CSMD3: variants seen among roughly 807,000 people sequenced by gnomAD.
The protein encoded by CSMD3 is CUB and Sushi multiple domains 3.
CSMD3 carries 177 observed loss-of-function variants against 435.2 expected under a neutral mutation model. The ratio of observed to expected loss-of-function variants is 0.41; its 90% CI spans 0.36 to 0.46. CSMD3 has a LOEUF of 0.46. Ranked by LOEUF, CSMD3 falls within the 20% of genes least tolerant of loss-of-function variation. CSMD3 has a pLI of 0.34. For missense variants in CSMD3, 4,265 were observed against 4,504.6 expected (o/e 0.95, Z 1.52); for synonymous variants, 1,656 against 1,520.5 (o/e 1.09, Z -2.07).
At chr8:113,351,780 T>C (rs1365971688) in intron 1 of CSMD3, among the ~76,000 whole-genome samples, 1 of 152,188 alleles carries the variant, frequency 6.6e-6, no homozygotes, top group Non-Finnish European at 1.5e-5. Flanking sequence ...AGTTTGCCTA[T>C]GTTGAAATAA....
intron 24 of CSMD3, among the ~76,000 whole-genome samples, chr8:112,557,172 A>T (rs1828200413): frequency 6.6e-6 from 1 of 151,806 alleles, no homozygotes; most frequent in South Asian, 2.1e-4. Flanking sequence ...TATCAATGAT[A>T]CCCCATGGTC....
chr8:112,749,480 C>T (rs990035920), intron 13 of CSMD3, among the ~76,000 whole-genome samples: 3 of 151,972 alleles, frequency 2.0e-5, no homozygotes, highest in Non-Finnish European at 4.4e-5. Context: ...ACAGAATAGC[C>T]ATATGCAGAA....
chr8:112,612,777 G>A (rs1025123436), intron 22 of CSMD3, among the ~76,000 whole-genome samples: 3 of 131,212 alleles, frequency 2.3e-5, no homozygotes, highest in African/African-American at 8.9e-5. Flanking sequence ...AAGTGCAGTG[G>A]CTCCATCATA....
chr8:113,034,723 T>C (rs2087266154), intron 5 of CSMD3, among the ~76,000 whole-genome samples: 1 of 152,132 alleles, frequency 6.6e-6, no homozygotes, highest in South Asian at 2.1e-4. Context: ...AAATACATAA[T>C]GGATTATTAG....
At chr8:113,105,444 C>A (rs2090447318) in intron 4 of CSMD3, among the ~76,000 whole-genome samples, 1 of 152,108 alleles carries the variant, frequency 6.6e-6, no homozygotes, top group Non-Finnish European at 1.5e-5. Context: ...GAGGAGGAAG[C>A]TCTGCAGAAG....
intron 10 of CSMD3, among the ~76,000 whole-genome samples, chr8:112,889,552 T>A (rs1020485262): frequency 1.3e-5 from 2 of 151,644 alleles, no homozygotes; most frequent in African/African-American, 4.8e-5. Flanking sequence ...GAAATGTGTG[T>A]CTTTTGTCTT....
chr8:112,997,597 A>T (rs569521700), intron 6 of CSMD3, among the ~76,000 whole-genome samples: 1 of 151,750 alleles, frequency 6.6e-6, no homozygotes, highest in South Asian at 2.1e-4. Flanking sequence ...TCAAGGAGAT[A>T]TTATATCTGA....
chr8:113,157,650 C>T (rs938770463), intron 4 of CSMD3, among the ~76,000 whole-genome samples: 2 of 152,144 alleles, frequency 1.3e-5, no homozygotes, highest in Admixed American at 6.6e-5. Flanking sequence ...AACAATGGTA[C>T]ATTTTATACG....
At chr8:113,128,004 T>C (rs1189591392) in intron 4 of CSMD3, among the ~76,000 whole-genome samples, 2 of 152,132 alleles carry the variant, frequency 1.3e-5, no homozygotes, top group East Asian at 1.9e-4. Context: ...AAGTTCTCTA[T>C]TATCTTTTAG....
chr8:112,651,656 G>T (rs1204146826), intron 18 of CSMD3, among the ~76,000 whole-genome samples: 2 of 151,684 alleles, frequency 1.3e-5, no homozygotes, highest in East Asian at 3.9e-4. Flanking sequence ...TCCTGCCTCA[G>T]CCTCCCGAGT....
At position 112,246,020 on chromosome 8, in the gene CSMD3, C is replaced by T. The variant is rs192298607; in HGVS notation, c.10222+1000G>A. Among the ~76,000 whole-genome samples the T allele has an allele frequency of 1.2e-3, 179 of 152,212 alleles. 1 individual carries two copies. The highest frequency in any genetic ancestry group is 4.0e-3 in the African/African-American group (166 of 41,528). On this transcript the variant is annotated intron_variant, in intron 64 of 70. Coordinates refer to ENST00000297405, the MANE Select transcript of CSMD3 (RefSeq NM_198123.2). ...TTAACTTTATTTAAACTATCATATC[C>T]CAACTAGAGGACATCAAAGAACAAT... is the stretch of plus-strand genomic sequence containing the variant.
intron 3 of CSMD3, among the ~76,000 whole-genome samples, chr8:113,221,156 T>C (rs2092961638): frequency 2.0e-5 from 3 of 151,324 alleles, no homozygotes; most frequent in Non-Finnish European, 4.4e-5. Context: ...AAGGGCATTA[T>C]TGTGTCAATT....
chr8:113,078,554 A>T (rs1344299790), intron 5 of CSMD3, among the ~76,000 whole-genome samples: 1 of 152,196 alleles, frequency 6.6e-6, no homozygotes, highest in African/African-American at 2.4e-5. Flanking sequence ...CAATTGTATC[A>T]TGACTTTATT....
chr8:112,671,126 G>C (rs935732703), intron 16 of CSMD3, among the ~76,000 whole-genome samples: 1 of 152,010 alleles, frequency 6.6e-6, no homozygotes, highest in African/African-American at 2.4e-5. Context: ...AAATAGAATA[G>C]TTTATATCTC....
chr8:112,281,137 A>G (rs771787572), intron 59 of CSMD3, 37 bp downstream of exon 59: 10 of 1,457,554 alleles, frequency 6.9e-6, no homozygotes, highest in Middle Eastern at 1.7e-4. Flanking sequence ...ATACTTTCAT[A>G]TAATTACTGA....
intron 22 of CSMD3, among the ~76,000 whole-genome samples, chr8:112,592,414 C>A (rs1042278037): frequency 2.6e-5 from 4 of 151,936 alleles, no homozygotes; most frequent in African/African-American, 9.7e-5. Flanking sequence ...CAAGGGCAAA[C>A]TAGTGCTACT....
intron 13 of CSMD3, among the ~76,000 whole-genome samples, chr8:112,772,477 G>A (rs534460878): frequency 7.2e-5 from 11 of 152,128 alleles, no homozygotes; most frequent in East Asian, 1.9e-4. Context: ...GCGGAAGGCC[G>A]CAGGGACCTC....
chr8:112,616,298 A>C (rs1056939205), intron 22 of CSMD3, among the ~76,000 whole-genome samples: 1 of 152,006 alleles, frequency 6.6e-6, no homozygotes, highest in Non-Finnish European at 1.5e-5. Context: ...GTTTATCTTC[A>C]TGTATGACAT....
intron 12 of CSMD3, among the ~76,000 whole-genome samples, chr8:112,811,606 A>G (rs966545996): frequency 2.0e-5 from 3 of 152,182 alleles, no homozygotes; most frequent in African/African-American, 7.2e-5. Flanking sequence ...GATAAAGACA[A>G]TTAACATGTG....
Sources: gnomAD v4.1 joint callset for allele counts (sites outside exome capture counted in the v4.1 genomes callset) on GRCh38, gnomAD v4.1.1 for gene constraint, MANE v1.5 for transcripts, NCBI Gene and HGNC (gene_info 2026-07-23, HGNC 2026-07-21) for gene names.